MCF2L2: variants seen among roughly 807,000 people sequenced by gnomAD.
MCF2L2 encodes the protein probable guanine nucleotide exchange factor MCF2L2.
A neutral mutation model predicts 150.2 loss-of-function variants in MCF2L2; 102 were observed. The ratio of observed to expected loss-of-function variants is 0.68; its 90% CI spans 0.58 to 0.80. The LOEUF (loss-of-function observed/expected upper bound fraction) is 0.80, where lower values mean the gene tolerates loss of function less well. Among genes scored for constraint, MCF2L2 ranks in the 30% least tolerant of loss-of-function variants. The pLI is 0.00. For synonymous variants in MCF2L2, 465 were observed against 491.3 expected, an observed-to-expected ratio of 0.95 and a Z score of 0.71; for missense variants, 1,256 against 1,372.8, an observed-to-expected ratio of 0.91 and a Z score of 1.34.
chr3:183,374,832 T>C (rs185224605), intron 3 of MCF2L2: 2 of 152,298 alleles, frequency 1.3e-5, no homozygotes, highest in Admixed American at 1.3e-4. Flanking sequence ...AATGCTCCCT[T>C]CTGTATCTAT....
intron 5 of MCF2L2, among the ~76,000 whole-genome samples, chr3:183,338,029 G>A (rs751342064): frequency 1.2e-4 from 19 of 152,070 alleles, no homozygotes; most frequent in Non-Finnish European, 2.4e-4. Flanking sequence ...CTGGATTTAT[G>A]TCACCCCTAT....
rs949675532 is a variant in MCF2L2, at chr3:183,343,758, T to C, written c.276-2128A>G. Among the ~76,000 whole-genome samples the C allele has an allele frequency of 1.8e-4, 28 of 152,352 alleles. No individual in the cohort carries two copies. The South Asian group carries it at 2.3e-3, about 12-fold the overall frequency. On this transcript the variant is annotated intron_variant, in intron 3 of 29. Transcript: ENST00000328913. ...ATATGTGAATAAGTATTATCAACTG[T>C]GTTTTTTATTTCTCTGAGGACTACT...
chr3:183,417,063 G>C (rs1029960752), intron 1 of MCF2L2, among the ~76,000 whole-genome samples: 3 of 120,898 alleles, frequency 2.5e-5, no homozygotes, highest in South Asian at 2.8e-4. Context: ...AGTGAGCCAA[G>C]ATCGTGCCAC....
At chr3:183,303,038 C>T (rs1336131420) in intron 10 of MCF2L2, among the ~76,000 whole-genome samples, 4 of 151,688 alleles carry the variant, frequency 2.6e-5, no homozygotes, top group African/African-American at 4.8e-5. Flanking sequence ...ACTAAAAAGA[C>T]AAAAAATTAG....
chr3:183,276,805 G>C lies in MCF2L2; in HGVS notation c.1862+67C>G, dbSNP rs1009007683. On this transcript the variant is annotated intron_variant, in intron 15 of 29. Coordinates refer to ENST00000328913, the MANE Select transcript of MCF2L2 (RefSeq NM_015078.4). ...GAAAGACAGGTGCTGAGGTGTAAAA[G>C]AGAGGATCCTCGCCACCCATGCCCC... The C allele has an allele frequency of 1.0e-5, 11 of 1,088,356 alleles. No homozygotes were observed. In the Admixed American group the frequency reaches 2.2e-4, roughly 22 times the overall value. The allele number at this position is 1,088,356 out of a possible 1,614,324, so 67.4% of individuals were successfully genotyped here.
intron 3 of MCF2L2, among the ~76,000 whole-genome samples, chr3:183,366,852 A>T (rs1036206763): frequency 3.3e-5 from 5 of 152,196 alleles, no homozygotes; most frequent in African/African-American, 9.7e-5. Context: ...TATCTTCAAG[A>T]AGTAAGTGTA....
At chr3:183,414,663 T>C (rs78305156) in intron 1 of MCF2L2, among the ~76,000 whole-genome samples, 1,994 of 152,298 alleles carry the variant, frequency 0.013, 50 homozygotes, top group African/African-American at 0.045. Flanking sequence ...TGATTTGAGA[T>C]CTTTCTTCTT....
Position 183,270,689 on chromosome 3 carries a change from G to T in MCF2L2, c.1862+6183C>A. 1 of 1,613,906 alleles carries T rather than the reference G, an allele frequency of 6.2e-7. No individual in the cohort carries two copies. The highest frequency in any genetic ancestry group is 8.5e-7 in the Non-Finnish European group (1 of 1,179,962). ...GTGCCAATAAAATAGGGATAGTACC[G>T]CAGGACCATGTGTTTTTTTCTGGAG... On this transcript the variant is annotated intron_variant, in intron 15 of 29. Transcript: ENST00000328913. The surrounding 1 kb of genome is among the most constrained non-coding windows in gnomAD (Gnocchi z 4.5).
chr3:183,272,424 C>G, intron 15 of MCF2L2: 16 of 1,000,124 alleles, frequency 1.6e-5, no homozygotes, highest in Non-Finnish European at 1.9e-5. Flanking sequence ...GTCGGAAACA[C>G]GCAAAACAAA....
chr3:183,382,051 T>TTTA (rs3050286), intron 2 of MCF2L2, among the ~76,000 whole-genome samples: 79,701 of 148,328 alleles, frequency 0.54, 24,123 homozygotes, highest in Non-Finnish European at 0.65. Flanking sequence ...AATTTCACCT[T>TTTA]TTATTATTAT....
chr3:183,365,961 G>A (rs1245278427), intron 3 of MCF2L2, among the ~76,000 whole-genome samples: 1 of 151,828 alleles, frequency 6.6e-6, no homozygotes, highest in Non-Finnish European at 1.5e-5. Context: ...AGACAATTCA[G>A]TACATATATA....
At chr3:183,407,265 AAAGT>A (rs775841122) in intron 1 of MCF2L2, among the ~76,000 whole-genome samples, 19 of 152,304 alleles carry the variant, frequency 1.2e-4, no homozygotes, top group Non-Finnish European at 2.5e-4. Context: ...ACTTTGCTTT[AAAGT>A]AAGTTTTAAA....
chr3:183,394,107 C>T (rs746005843), intron 1 of MCF2L2, among the ~76,000 whole-genome samples: 1 of 152,040 alleles, frequency 6.6e-6, no homozygotes, highest in Non-Finnish European at 1.5e-5. Flanking sequence ...TTTGGCAGAC[C>T]CTGTGACATT....
intron 5 of MCF2L2, among the ~76,000 whole-genome samples, chr3:183,335,792 G>A (rs1204110265): frequency 2.1e-4 from 32 of 152,114 alleles, no homozygotes; most frequent in Admixed American, 2.0e-3. Context: ...CCAGAAGTTC[G>A]AGGCTGCAGT....
intron 1 of MCF2L2, chr3:183,400,427 C>A (rs1276347769): frequency 4.4e-6 from 2 of 456,546 alleles, no homozygotes; most frequent in African/African-American, 4.0e-5. Context: ...CCTCTGTTAT[C>A]CGCACCAAGG....
At chr3:183,333,740 C>T (rs1252200523) in intron 5 of MCF2L2, among the ~76,000 whole-genome samples, 1 of 152,074 alleles carries the variant, frequency 6.6e-6, no homozygotes, top group East Asian at 1.9e-4. Flanking sequence ...TGTATATGTG[C>T]ATATACGTGC....
intron 3 of MCF2L2, among the ~76,000 whole-genome samples, chr3:183,351,795 G>C (rs12638073): frequency 0.11 from 17,069 of 152,108 alleles, 1,575 homozygotes; most frequent in African/African-American, 0.24. Context: ...AAATTTATTA[G>C]TCTAATTCAG....
At chr3:183,252,866 T>C (rs1391935512) in intron 15 of MCF2L2, among the ~76,000 whole-genome samples, 1 of 152,194 alleles carries the variant, frequency 6.6e-6, no homozygotes, top group Non-Finnish European at 1.5e-5. Context: ...TCTAACAACA[T>C]GCGGGAAACA....
At chr3:183,249,304 C>T (rs1452427963) in intron 15 of MCF2L2, among the ~76,000 whole-genome samples, 1 of 152,174 alleles carries the variant, frequency 6.6e-6, no homozygotes, top group Non-Finnish European at 1.5e-5. Flanking sequence ...CACTCACTGC[C>T]AGGGGCTGGT....
Sources: allele counts gnomAD v4.1 joint callset (sites outside exome capture counted in the v4.1 genomes callset), GRCh38; gene constraint gnomAD v4.1.1; non-coding constraint Gnocchi (gnomAD v3.1); transcripts MANE v1.5; gene names NCBI Gene and HGNC (gene_info 2026-07-23, HGNC 2026-07-21).